SGIP1: variants seen among roughly 807,000 people sequenced by gnomAD.
The protein encoded by SGIP1 is SH3-containing GRB2-like protein 3-interacting protein 1.
In SGIP1, 38 loss-of-function variants were observed where a neutral mutation model predicts 107.5. That is an observed-to-expected ratio of 0.35 (90% CI 0.27 to 0.46). The LOEUF is 0.46. Among genes scored for constraint, SGIP1 ranks in the 20% least tolerant of loss-of-function variants. The pLI is 1.00. For synonymous variants in SGIP1, 365 were observed against 366.1 expected, an observed-to-expected ratio of 1.00 and a Z score of 0.03; for missense variants, 929 against 1,019.5, an observed-to-expected ratio of 0.91 and a Z score of 1.21.
intron 1 of SGIP1, among the ~76,000 whole-genome samples, chr1:66,558,812 C>A (rs1219960285): frequency 1.3e-5 from 2 of 148,260 alleles, no homozygotes; most frequent in South Asian, 2.1e-4. Flanking sequence ...AAAAAAAAAA[C>A]CTTCTACAGC....
chr1:66,610,372 T>C (rs1188943025), intron 1 of SGIP1, among the ~76,000 whole-genome samples: 1 of 152,180 alleles, frequency 6.6e-6, no homozygotes. Flanking sequence ...CATACCAAAC[T>C]GAAGTAAAGG....
rs558726896 is a variant in SGIP1, at chr1:66,551,370, T to A, written c.10+17002T>A. 1.2e-4 allele frequency among the ~76,000 whole-genome samples: 18 copies of A among 152,304 alleles called. 1 individual carries two copies. The South Asian group carries it at 3.7e-3, about 32-fold the overall frequency. On this transcript the variant is annotated intron_variant, in intron 1 of 24. Transcript: ENST00000371037. ...TTTGCTTAACAATCTATTGGGCGCA[T>A]CTCCTACTTTCAGTTGTAATAAAAT...
chr1:66,640,378 A>T (rs1170756286), intron 5 of SGIP1, among the ~76,000 whole-genome samples: 1 of 152,152 alleles, frequency 6.6e-6, no homozygotes. Flanking sequence ...CCCTGGTTCT[A>T]CTTCTTAGAA....
intron 18 of SGIP1, among the ~76,000 whole-genome samples, chr1:66,714,214 G>A (rs1208420711): frequency 6.6e-6 from 1 of 152,100 alleles, no homozygotes; most frequent in Non-Finnish European, 1.5e-5. Context: ...ATTTTAAGAT[G>A]AGGAAACTGA....
At chr1:66,677,239 G>T in intron 13 of SGIP1, 143 bp downstream of exon 13, 7 of 638,982 alleles carry the variant, frequency 1.1e-5, no homozygotes, top group Non-Finnish European at 1.8e-5. Flanking sequence ...TATTCTAACA[G>T]GCTTTCAAGT....
chr1:66,599,523 T>C (rs1172671067), intron 1 of SGIP1, among the ~76,000 whole-genome samples: 1 of 152,178 alleles, frequency 6.6e-6, no homozygotes, highest in Non-Finnish European at 1.5e-5. Context: ...GAATCCCTTT[T>C]ACAAAGCTGT....
intron 18 of SGIP1, among the ~76,000 whole-genome samples, chr1:66,713,873 A>G (rs749489660): frequency 5.3e-5 from 8 of 152,178 alleles, no homozygotes; most frequent in Non-Finnish European, 1.2e-4. Flanking sequence ...CACCTATGTG[A>G]TATGTGAAAA....
chr1:66,658,293 C>T (rs1382943141), intron 7 of SGIP1, among the ~76,000 whole-genome samples: 1 of 151,954 alleles, frequency 6.6e-6, no homozygotes, highest in Non-Finnish European at 1.5e-5. Flanking sequence ...GGAGAAAATT[C>T]TGCCCTGGAG....
At chr1:66,716,272 T>C (rs750866635) in intron 18 of SGIP1, among the ~76,000 whole-genome samples, 1 of 152,172 alleles carries the variant, frequency 6.6e-6, no homozygotes, top group African/African-American at 2.4e-5. Context: ...TTCATGCTCA[T>C]TGGATATTGT....
In SGIP1 at chr1:66,719,239, T is replaced by G. The variant is rs2093403188; in HGVS notation, c.1631-55T>G. 2.5e-6 allele frequency: 3 copies of G among 1,183,710 alleles called. No individual in the cohort carries two copies. The Admixed American group carries it at 6.7e-5, about 26-fold the overall frequency. 73.3% of individuals were successfully genotyped at this position (1,183,710 alleles called of 1,614,324 possible). A position where few individuals can be genotyped will look rare whatever the true frequency, so the allele number is the denominator to read the frequency against. On this transcript the variant is annotated intron_variant, in intron 18 of 24. Coordinates refer to ENST00000371037, the MANE Select transcript of SGIP1 (RefSeq NM_032291.4). Reference sequence around the variant, plus strand: ...CCTTTAATGGGCTTTTAATTTCACATATACTAAAGTGTCTCCTATTTTCAT... The same window carrying G: ...CCTTTAATGGGCTTTTAATTTCACAGATACTAAAGTGTCTCCTATTTTCAT...
intron 18 of SGIP1, among the ~76,000 whole-genome samples, chr1:66,711,274 TATC>T (rs2092901704): frequency 6.6e-6 from 1 of 152,140 alleles, no homozygotes; most frequent in Non-Finnish European, 1.5e-5. Context: ...GAACATCCTA[TATC>T]ATCATATTTA....
intron 1 of SGIP1, among the ~76,000 whole-genome samples, chr1:66,557,375 G>T (rs1406031795): frequency 1.3e-5 from 2 of 152,118 alleles, no homozygotes; most frequent in Admixed American, 6.6e-5. Flanking sequence ...TTCTGCAAAA[G>T]GTTAATTGGA....
chr1:66,565,636 A>T (rs955823343), intron 1 of SGIP1, among the ~76,000 whole-genome samples: 7 of 152,136 alleles, frequency 4.6e-5, no homozygotes, highest in African/African-American at 1.7e-4. Flanking sequence ...TGTATTGGAA[A>T]AGACTTTCTG....
Position 66,630,878 on chromosome 1 carries a change from A to G in SGIP1, c.75-2192A>G, listed in dbSNP as rs1365072579. 5.2e-3 allele frequency among the ~76,000 whole-genome samples: 299 copies of G among 57,452 alleles called. 34 individuals are homozygous for G. The highest frequency in any genetic ancestry group is 0.025 in the East Asian group (17 of 672). 37.7% of individuals were successfully genotyped at this position (57,452 alleles called of 152,430 possible). ...AAGAAAGAAAGAAAGAAAGAAAGAA[A>G]GAAAGAAAGAAAGAAAGAAAGAAAG... is the stretch of plus-strand genomic sequence containing the variant. On this transcript the variant is annotated intron_variant, in intron 2 of 24. Coordinates refer to ENST00000371037, the MANE Select transcript of SGIP1 (RefSeq NM_032291.4).
At chr1:66,621,198 A>G (rs6588212) in intron 1 of SGIP1, among the ~76,000 whole-genome samples, 21,764 of 152,170 alleles carry the variant, frequency 0.14, 1,614 homozygotes, top group African/African-American at 0.18. Context: ...TTCTCATGGA[A>G]ATATTACTTT....
intron 1 of SGIP1, among the ~76,000 whole-genome samples, chr1:66,602,938 C>T (rs984365497): frequency 6.6e-6 from 1 of 152,138 alleles, no homozygotes; most frequent in African/African-American, 2.4e-5. Flanking sequence ...TTTGGCCTCT[C>T]TGAAAGAAAA....
chr1:66,622,754 T>C (rs572116514), intron 1 of SGIP1, among the ~76,000 whole-genome samples: 19 of 152,250 alleles, frequency 1.2e-4, no homozygotes, highest in Non-Finnish European at 2.5e-4. Context: ...GACAGTAAAA[T>C]TATTTCCCTT....
chr1:66,689,272 TGTG>T lies in SGIP1; in HGVS notation c.1443_1443+2del. ...CTCCAGGAAAACCTGGAGTTGGAGA[TGTG>T]GTATGTTCCCTTCTGCCCTGGCTTG... is the stretch of plus-strand genomic sequence containing the variant. On this transcript the variant is annotated inframe_deletion and splice_region_variant, in exon 16 of 25. Transcript: ENST00000371037. 6.2e-7 allele frequency: 1 copy of T among 1,613,470 alleles called. No homozygotes were observed. Among genetic ancestry groups the T allele is most frequent in the Non-Finnish European group, 8.5e-7 (1 of 1,179,616 alleles).
At chr1:66,658,190 A>G (rs1368464084) in intron 7 of SGIP1, among the ~76,000 whole-genome samples, 1 of 152,218 alleles carries the variant, frequency 6.6e-6, no homozygotes, top group African/African-American at 2.4e-5. Context: ...AATTTACCTT[A>G]TAAGTAAGAG....
Sources: gnomAD v4.1 joint callset for allele counts (sites outside exome capture counted in the v4.1 genomes callset) on GRCh38, gnomAD v4.1.1 for gene constraint, MANE v1.5 for transcripts, NCBI Gene and HGNC (gene_info 2026-07-23, HGNC 2026-07-21) for gene names.